ADAM12: variants seen among roughly 807,000 people sequenced by gnomAD.
The protein encoded by ADAM12 is disintegrin and metalloproteinase domain-containing protein 12.
In ADAM12, 70 loss-of-function variants were observed where a neutral mutation model predicts 106.4. The ratio of observed to expected loss-of-function variants is 0.66; its 90% CI spans 0.54 to 0.80. The LOEUF is 0.80. ADAM12 is among the 30% of genes least tolerant of loss of function. The probability of loss-of-function intolerance (pLI) is 0.00; values close to 1 mark genes in which losing one functional copy is unlikely to be tolerated. For missense variants in ADAM12, 1,010 were observed against 1,171.9 expected (o/e 0.86, Z 2.02); for synonymous variants, 420 against 433.5 (o/e 0.97, Z 0.39).
At chr10:126,189,476 C>T (rs1240419147) in intron 3 of ADAM12, among the ~76,000 whole-genome samples, 4 of 152,190 alleles carry the variant, frequency 2.6e-5, no homozygotes, top group East Asian at 3.9e-4. Context: ...ATCAGGACAA[C>T]AGCAGCCACA....
At chr10:126,210,281 G>A (rs974315409) in intron 3 of ADAM12, among the ~76,000 whole-genome samples, 6 of 152,194 alleles carry the variant, frequency 3.9e-5, no homozygotes, top group Admixed American at 1.3e-4. Context: ...GTCAGGCGCC[G>A]TGCTGGTCAT....
At chr10:126,369,201 G>A (rs749686965) in intron 1 of ADAM12, among the ~76,000 whole-genome samples, 1 of 152,018 alleles carries the variant, frequency 6.6e-6, no homozygotes, top group Non-Finnish European at 1.5e-5. Context: ...TAAGAGTAGA[G>A]CTTTAGTGAA....
intron 8 of ADAM12, among the ~76,000 whole-genome samples, chr10:126,102,107 G>A (rs1400777905): frequency 6.6e-6 from 1 of 152,158 alleles, no homozygotes; most frequent in Non-Finnish European, 1.5e-5. Context: ...ACTAAGGGAT[G>A]GCTTTGTCTC....
intron 8 of ADAM12, among the ~76,000 whole-genome samples, chr10:126,103,451 T>C (rs778668074): frequency 6.6e-6 from 1 of 152,242 alleles, no homozygotes; most frequent in South Asian, 2.1e-4. Flanking sequence ...GTGGTTTCTG[T>C]GCTGTGGCTT....
intron 3 of ADAM12, among the ~76,000 whole-genome samples, chr10:126,265,556 C>T (rs919078595): frequency 6.6e-6 from 1 of 152,110 alleles, no homozygotes; most frequent in South Asian, 2.1e-4. Flanking sequence ...AAGAGAAGAA[C>T]GAGGACCACC....
At chr10:126,073,758 A>C (rs1158850297) in intron 11 of ADAM12, among the ~76,000 whole-genome samples, 1 of 152,372 alleles carries the variant, frequency 6.6e-6, no homozygotes, top group Admixed American at 6.5e-5. Context: ...CTGTGGATGC[A>C]AAGGCAACAT....
At chr10:126,121,119 ATAG>A (rs1956087828) in intron 5 of ADAM12, among the ~76,000 whole-genome samples, 1 of 69,642 alleles carries the variant, frequency 1.4e-5, no homozygotes, top group Non-Finnish European at 2.5e-5. Flanking sequence ...TAGTATATAT[ATAG>A]TATATATACT....
intron 8 of ADAM12, among the ~76,000 whole-genome samples, chr10:126,106,434 T>A (rs561737081): frequency 6.6e-6 from 1 of 151,564 alleles, no homozygotes; most frequent in Non-Finnish European, 1.5e-5. Flanking sequence ...ACTTCCCCAC[T>A]TCCCCTGCCC....
chr10:126,309,559 GA>G (rs1960990972), intron 2 of ADAM12, among the ~76,000 whole-genome samples: 1 of 152,038 alleles, frequency 6.6e-6, no homozygotes, highest in African/African-American at 2.4e-5. Context: ...TTCATTCCAA[GA>G]AAAAAGGGCT....
intron 1 of ADAM12, among the ~76,000 whole-genome samples, chr10:126,378,960 G>A (rs577761577): frequency 8.7e-4 from 132 of 152,186 alleles, no homozygotes; most frequent in Middle Eastern, 3.4e-3. Flanking sequence ...TTCCATAGGC[G>A]GACAACAGCT....
rs565195022 is a variant in ADAM12, at chr10:126,290,983, G to A, written c.187-11995C>T. On this transcript the variant is annotated intron_variant, in intron 2 of 22. Coordinates refer to ENST00000448723, the MANE Select transcript of ADAM12 (RefSeq NM_001288973.2). ...AATGTATGCTTACTGATATAACCAG[G>A]GACATTAAAATATTATAAAAGCACA... Among the ~76,000 whole-genome samples the A allele has an allele frequency of 2.0e-5, 3 of 152,262 alleles. No individual in the cohort carries two copies. In the South Asian group the frequency reaches 6.2e-4, roughly 32 times the overall value.
At chr10:126,030,383 C>G (rs1006614696) in intron 21 of ADAM12, among the ~76,000 whole-genome samples, 2 of 152,084 alleles carry the variant, frequency 1.3e-5, no homozygotes, top group Non-Finnish European at 2.9e-5. Flanking sequence ...TCCCAAATTG[C>G]GTTTTATAAA....
chr10:126,049,579 A>G lies in ADAM12; in HGVS notation c.1700T>C (p.Phe567Ser), dbSNP rs1954421186. ...TCCATACCTCATCTCGCATTTGGCAAAGGAACTCTTCGAGACTTTGCCACA... is the reference window on the plus strand; with the variant it reads ...TCCATACCTCATCTCGCATTTGGCAGAGGAACTCTTCGAGACTTTGCCACA... ...GNCGKVSKSS[F>S]AKCEMRDAKC... The change falls in exon 15 of 23, where the codon TTT becomes TCT. Residue 567 changes from phenylalanine to serine, a missense_variant. Phe to Ser is a radical substitution (Grantham distance 155, BLOSUM62 -2). This residue lies in a region of ADAM12 where 615 missense variants were observed against 708.5 expected (regional missense o/e 0.87). Transcript: ENST00000448723. The surrounding 1 kb of genome is among the most constrained non-coding windows in gnomAD (Gnocchi z 4.4). 1 of 1,614,118 alleles carries G rather than the reference A, an allele frequency of 6.2e-7. No individual in the cohort carries two copies. The highest frequency in any genetic ancestry group is 8.5e-7 in the Non-Finnish European group (1 of 1,180,050).
At chr10:126,281,074 C>T (rs1959554869) in intron 2 of ADAM12, among the ~76,000 whole-genome samples, 1 of 152,104 alleles carries the variant, frequency 6.6e-6, no homozygotes, top group African/African-American at 2.4e-5. Context: ...CTTGCTGACA[C>T]CCGGGTTGAA....
At chr10:126,219,546 C>T (rs1418499757) in intron 3 of ADAM12, among the ~76,000 whole-genome samples, 1 of 152,166 alleles carries the variant, frequency 6.6e-6, no homozygotes, top group Non-Finnish European at 1.5e-5. Context: ...GTAAGTGTTA[C>T]TACGCTATTA....
rs1006909608 is a variant in ADAM12, at chr10:126,329,956, A to G, written c.186+456T>C. ...TTCAATTATTTTATATTATTCTTTT[A>G]CATCATAAAAGGCTCAAATCAAACA... On this transcript the variant is annotated intron_variant, in intron 2 of 22. Transcript: ENST00000448723. Among the ~76,000 whole-genome samples, 5 of 152,240 alleles carry G rather than the reference A, an allele frequency of 3.3e-5. No individual in the cohort carries two copies. In the East Asian group the frequency reaches 7.7e-4, roughly 23 times the overall value.
chr10:126,202,586 T>A (rs549446275), intron 3 of ADAM12, among the ~76,000 whole-genome samples: 1 of 152,334 alleles, frequency 6.6e-6, no homozygotes, highest in East Asian at 1.9e-4. Flanking sequence ...ATTGAAGATA[T>A]TTTTAAAAAC....
intron 3 of ADAM12, among the ~76,000 whole-genome samples, chr10:126,251,433 CAG>C (rs971019886): frequency 2.5e-5 from 2 of 81,018 alleles, no homozygotes; most frequent in African/African-American, 9.7e-5. Flanking sequence ...TCCAGAGAAA[CAG>C]AACCAATAGG....
At chr10:126,169,656 C>T (rs1007316320) in intron 3 of ADAM12, among the ~76,000 whole-genome samples, 1 of 152,176 alleles carries the variant, frequency 6.6e-6, no homozygotes, top group Non-Finnish European at 1.5e-5. Flanking sequence ...GTAAAAGACA[C>T]GTTGATCCTT....
Sources: allele counts gnomAD v4.1 joint callset (sites outside exome capture counted in the v4.1 genomes callset), GRCh38; gene constraint gnomAD v4.1.1; regional missense constraint gnomAD v4.1.1; non-coding constraint Gnocchi (gnomAD v3.1); transcripts MANE v1.5; gene names NCBI Gene and HGNC (gene_info 2026-07-23, HGNC 2026-07-21).